Variants in CCDC93 observed in about 807,000 individuals in gnomAD.
CCDC93 encodes coiled-coil domain-containing protein 93.
CCDC93 carries 61 observed loss-of-function variants against 108.2 expected under a neutral mutation model. The observed-to-expected ratio is 0.56, with a 90% CI of 0.46 to 0.70. The LOEUF is 0.70. CCDC93 is among the 30% of genes least tolerant of loss of function. The pLI is 0.00. For synonymous variants in CCDC93, 276 were observed against 260.4 expected (o/e 1.06, Z -0.58); for missense variants, 685 against 764.2 (o/e 0.90, Z 1.22).
intron 23 of CCDC93, among the ~76,000 whole-genome samples, chr2:117,922,230 C>T (rs1030189706): frequency 1.3e-5 from 2 of 152,106 alleles, no homozygotes; most frequent in Non-Finnish European, 2.9e-5. Flanking sequence ...GAACCCTAGG[C>T]GATGCTTGTA....
chr2:117,984,391 G>C (rs957190213), intron 7 of CCDC93, among the ~76,000 whole-genome samples: 4 of 152,150 alleles, frequency 2.6e-5, no homozygotes, highest in African/African-American at 9.7e-5. Flanking sequence ...TTCCTAAAGA[G>C]GCCAAGCCAG....
At chr2:117,971,947 C>A (rs1276426466) in intron 11 of CCDC93, among the ~76,000 whole-genome samples, 2 of 152,206 alleles carry the variant, frequency 1.3e-5, no homozygotes, top group East Asian at 3.8e-4. Context: ...ATGTTTGACA[C>A]CTCCGCTTCT....
chr2:117,943,286 T>C (rs1244620263), intron 18 of CCDC93, among the ~76,000 whole-genome samples: 1 of 152,262 alleles, frequency 6.6e-6, no homozygotes, highest in Non-Finnish European at 1.5e-5. Context: ...TTATGGGACC[T>C]GATCCAATGC....
At chr2:117,947,269 C>T (rs1024534077) in intron 15 of CCDC93, among the ~76,000 whole-genome samples, 1 of 152,236 alleles carries the variant, frequency 6.6e-6, no homozygotes, top group African/African-American at 2.4e-5. Flanking sequence ...ACCTCCTCCA[C>T]TTGCTGTCCT....
chr2:117,986,158 C>CTTTTT, intron 6 of CCDC93, 89 bp from the exon 7 acceptor site: 2 of 350,882 alleles, frequency 5.7e-6, no homozygotes, highest in Non-Finnish European at 9.9e-6. Flanking sequence ...GGGGTATATT[C>CTTTTT]TCTTTTTTTT....
chr2:117,923,242 T>A (rs1270467492), intron 23 of CCDC93, among the ~76,000 whole-genome samples: 1 of 152,086 alleles, frequency 6.6e-6, no homozygotes, highest in African/African-American at 2.4e-5. Flanking sequence ...CGGGTTCACC[T>A]CACTGGGGAG....
chr2:117,935,402 TC>T, intron 22 of CCDC93, 92 bp downstream of exon 22: 2 of 869,552 alleles, frequency 2.3e-6, no homozygotes, highest in Non-Finnish European at 1.9e-6. Context: ...GAGGGCACAC[TC>T]CCCAACTACC....
chr2:118,008,522 T>C, intron 2 of CCDC93, 23 bp downstream of exon 2: 2 of 1,289,378 alleles, frequency 1.6e-6, no homozygotes, highest in South Asian at 1.2e-5. Context: ...GATAGTGTAA[T>C]GGTTAGAAAG....
chr2:118,004,761 A>G (rs756008104), intron 3 of CCDC93, among the ~76,000 whole-genome samples: 1 of 148,894 alleles, frequency 6.7e-6, no homozygotes, highest in Non-Finnish European at 1.5e-5. Context: ...AGCTTTGCCC[A>G]CAGTTACAGT....
intron 22 of CCDC93, among the ~76,000 whole-genome samples, chr2:117,933,326 ACTCT>A (rs138447325): frequency 0.15 from 23,461 of 151,922 alleles, 2,032 homozygotes; most frequent in South Asian, 0.22. Flanking sequence ...GCAGGAGTTG[ACTCT>A]TTGATTTAAG....
chr2:117,966,112 C>T lies in CCDC93; in HGVS notation c.889-7631G>A, dbSNP rs936472291. On this transcript the variant is annotated intron_variant, in intron 11 of 23. Transcript: ENST00000376300. The stretch of plus-strand genomic sequence containing the variant: ...AAATTTCCTGAGGGCCTAGTGGAAA[C>T]GAAGGCCTTATGGGGGTGCTAGCCA... Among the ~76,000 whole-genome samples the T allele has an allele frequency of 7.2e-5, 11 of 152,292 alleles. No individual in the cohort carries two copies. In the South Asian group the frequency reaches 8.3e-4, roughly 11 times the overall value.
Position 117,920,318 on chromosome 2 carries a change from G to T in CCDC93, c.*25C>A. ...TACGGTGCTTAAAAGTAAAATCAAT[G>T]ACATACAGCCACGGCTGGGGATGTT... is the stretch of plus-strand genomic sequence containing the variant. On this transcript the variant is annotated 3_prime_UTR_variant, in exon 24 of 24. Coordinates refer to ENST00000376300, the MANE Select transcript of CCDC93 (RefSeq NM_019044.5). 6.3e-7 allele frequency: 1 copy of T among 1,582,436 alleles called. No homozygotes were observed. The highest frequency in any genetic ancestry group is 8.7e-7 in the Non-Finnish European group (1 of 1,152,966).
Position 118,004,700 on chromosome 2 carries a change from C to A in CCDC93, c.251+2022G>T, listed in dbSNP as rs563586468. Among the ~76,000 whole-genome samples, 3 of 152,286 alleles carry A rather than the reference C, an allele frequency of 2.0e-5. No individual in the cohort carries two copies. The South Asian group carries it at 6.2e-4, about 32-fold the overall frequency. The stretch of plus-strand genomic sequence containing the variant: ...TCTACAGATAATAAAGAATGAGCTA[C>A]CTGATGCACTGCTGACTCTGGTGGG... On this transcript the variant is annotated intron_variant, in intron 3 of 23. Transcript: ENST00000376300.
intron 10 of CCDC93, 58 bp downstream of exon 10, chr2:117,974,792 C>A (rs1004360031): frequency 3.0e-6 from 4 of 1,348,548 alleles, no homozygotes; most frequent in Non-Finnish European, 3.1e-6. Context: ...GGAGAAGACC[C>A]CAGCAGAGCA....
At chr2:117,931,240 T>A in intron 22 of CCDC93, 90 bp from the exon 23 acceptor site, 2 of 803,970 alleles carry the variant, frequency 2.5e-6, no homozygotes, top group Non-Finnish European at 2.1e-6. Context: ...TTGTTAACAG[T>A]TTCATGGATT....
chr2:117,920,432 A>G lies in CCDC93; in HGVS notation c.1843-36T>C, dbSNP rs200885003. 3.2e-5 allele frequency: 48 copies of G among 1,499,678 alleles called. No homozygotes were observed. The East Asian group carries it at 1.0e-3, about 33-fold the overall frequency. The allele number at this position is 1,499,678 out of a possible 1,614,324, so 92.9% of individuals were successfully genotyped here. A position where few individuals can be genotyped will look rare whatever the true frequency, so the allele number is the denominator to read the frequency against. On this transcript the variant is annotated intron_variant, in intron 23 of 23. Coordinates refer to ENST00000376300, the MANE Select transcript of CCDC93 (RefSeq NM_019044.5). ...AGCAGAGAGTATAGAGAGAGTGGTG[A>G]CTACATTAGCACCCATGTGAGGCCA... is the stretch of plus-strand genomic sequence containing the variant.
At chr2:117,935,041 T>C (rs1234038985) in intron 22 of CCDC93, 3 of 152,368 alleles carry the variant, frequency 2.0e-5, no homozygotes, top group Non-Finnish European at 4.4e-5. Context: ...AGAGGGTTCC[T>C]GAAAACCAAA....
At chr2:117,988,583 T>C (rs1680387333) in intron 6 of CCDC93, among the ~76,000 whole-genome samples, 1 of 152,196 alleles carries the variant, frequency 6.6e-6, no homozygotes, top group Non-Finnish European at 1.5e-5. Context: ...TCCATCTTAC[T>C]TAGCCTATGT....
At chr2:117,995,398 C>G (rs775242239) in intron 6 of CCDC93, 48 bp downstream of exon 6, 2 of 1,409,998 alleles carry the variant, frequency 1.4e-6, no homozygotes, top group South Asian at 2.3e-5. Context: ...AAAGGGCTAT[C>G]TGAGGCTACG....
Sources: gnomAD v4.1 joint callset for allele counts (sites outside exome capture counted in the v4.1 genomes callset) on GRCh38, gnomAD v4.1.1 for gene constraint, MANE v1.5 for transcripts, NCBI Gene and HGNC (gene_info 2026-07-23, HGNC 2026-07-21) for gene names.